The following MALRD1 variants were observed in gnomAD, a reference collection of about 807,000 sequenced individuals.
MALRD1 encodes the protein MAM and LDL-receptor class A domain-containing protein 1.
In MALRD1, 247 loss-of-function variants were observed where a neutral mutation model predicts 242.1. That is an observed-to-expected ratio of 1.02 (90% confidence interval 0.92 to 1.13). The LOEUF is 1.13. Ranked by LOEUF, MALRD1 falls within the 50% of genes most tolerant of loss-of-function variation. MALRD1 has a pLI of 0.00. For synonymous variants in MALRD1, 995 were observed against 866.6 expected, an observed-to-expected ratio of 1.15 and a Z score of -2.60; for missense variants, 2,989 against 2,533.1, an observed-to-expected ratio of 1.18 and a Z score of -3.86.
At chr10:19,558,719 T>G (rs1564439826) in intron 32 of MALRD1, among the ~76,000 whole-genome samples, 2 of 152,150 alleles carry the variant, frequency 1.3e-5, no homozygotes, top group Non-Finnish European at 1.5e-5. Context: ...TTTTGTCTGG[T>G]TTTGTATTAT....
intron 38 of MALRD1, chr10:19,722,476 G>GCTAGTCAGAA: frequency 6.6e-6 from 1 of 151,294 alleles, no homozygotes; most frequent in East Asian, 2.0e-4. Context: ...TGTAGTCCCA[G>GCTAGTCAGAA]CTAGTCAGAA....
chr10:19,398,665 T>C (rs1846693317), intron 28 of MALRD1, among the ~76,000 whole-genome samples: 1 of 152,204 alleles, frequency 6.6e-6, no homozygotes, highest in African/African-American at 2.4e-5. Context: ...TCTTGAAAAT[T>C]AATATTCTAT....
intron 38 of MALRD1, among the ~76,000 whole-genome samples, chr10:19,717,841 AC>A (rs1374454393): frequency 6.6e-6 from 1 of 151,904 alleles, no homozygotes; most frequent in Admixed American, 6.6e-5. Flanking sequence ...ACATGGCAAA[AC>A]CCTGTTTCTA....
At chr10:19,270,271 C>G (rs1215313233) in intron 19 of MALRD1, among the ~76,000 whole-genome samples, 1 of 151,642 alleles carries the variant, frequency 6.6e-6, no homozygotes. Context: ...TTTGAGATCG[C>G]GCCACTGCAC....
intron 28 of MALRD1, among the ~76,000 whole-genome samples, chr10:19,449,854 A>T (rs544926773): frequency 6.6e-6 from 1 of 152,188 alleles, no homozygotes; most frequent in Admixed American, 6.5e-5. Flanking sequence ...TTTTGAGGGG[A>T]GGGGGAAGAA....
intron 36 of MALRD1, among the ~76,000 whole-genome samples, chr10:19,620,858 C>A (rs1323847189): frequency 6.6e-6 from 1 of 151,812 alleles, no homozygotes; most frequent in African/African-American, 2.4e-5. Flanking sequence ...AATGACCTCA[C>A]CATAACCCAA....
intron 1 of MALRD1, among the ~76,000 whole-genome samples, chr10:19,060,101 G>C (rs1834779197): frequency 6.6e-6 from 1 of 152,130 alleles, no homozygotes; most frequent in African/African-American, 2.4e-5. Flanking sequence ...GCCCATCTGG[G>C]TGTCAATCTT....
At chr10:19,377,257 T>C (rs1313744683) in intron 26 of MALRD1, among the ~76,000 whole-genome samples, 1 of 152,154 alleles carries the variant, frequency 6.6e-6, no homozygotes, top group Non-Finnish European at 1.5e-5. Flanking sequence ...TGTTATTTTG[T>C]TGTGTTTTTA....
At chr10:19,642,203 A>G (rs1210160732) in intron 36 of MALRD1, among the ~76,000 whole-genome samples, 1 of 152,190 alleles carries the variant, frequency 6.6e-6, no homozygotes, top group Non-Finnish European at 1.5e-5. Context: ...ACCAGATGAC[A>G]GACTATTCCA....
chr10:19,558,873 T>C (rs1437944240), intron 32 of MALRD1, among the ~76,000 whole-genome samples: 1 of 152,120 alleles, frequency 6.6e-6, no homozygotes, highest in East Asian at 1.9e-4. Context: ...TTATCAAATA[T>C]ATGGTATATA....
At chr10:19,277,219 C>A (rs1840574074) in intron 19 of MALRD1, among the ~76,000 whole-genome samples, 1 of 152,152 alleles carries the variant, frequency 6.6e-6, no homozygotes, top group Non-Finnish European at 1.5e-5. Context: ...AGCCACCACA[C>A]CTGGTGAGAA....
chr10:19,608,602 A>G (rs1198764982), intron 35 of MALRD1, among the ~76,000 whole-genome samples: 2 of 152,138 alleles, frequency 1.3e-5, no homozygotes, highest in Admixed American at 6.6e-5. Flanking sequence ...AATTAATGAT[A>G]GAGATATATT....
At chr10:19,499,656 A>G (rs1224001388) in intron 31 of MALRD1, among the ~76,000 whole-genome samples, 1 of 152,164 alleles carries the variant, frequency 6.6e-6, no homozygotes, top group Non-Finnish European at 1.5e-5. Context: ...TCTGTTTCTC[A>G]GGAGAACCCT....
At chr10:19,218,958 A>T (rs1388775175) in intron 18 of MALRD1, among the ~76,000 whole-genome samples, 1 of 152,118 alleles carries the variant, frequency 6.6e-6, no homozygotes, top group African/African-American at 2.4e-5. Flanking sequence ...TTCTAATAAG[A>T]TTACAAGTTT....
chr10:19,248,576 C>T (rs994817465), intron 18 of MALRD1, among the ~76,000 whole-genome samples: 3 of 151,718 alleles, frequency 2.0e-5, no homozygotes, highest in African/African-American at 4.8e-5. Flanking sequence ...TTAGTGACTA[C>T]GTGATCAGTC....
intron 28 of MALRD1, among the ~76,000 whole-genome samples, chr10:19,436,900 C>T (rs544397168): frequency 6.6e-6 from 1 of 152,146 alleles, no homozygotes; most frequent in Non-Finnish European, 1.5e-5. Context: ...TAAAGAAATC[C>T]CCTGTTGCTC....
chr10:19,333,153 T>C (rs560908286), intron 24 of MALRD1, among the ~76,000 whole-genome samples: 132 of 152,156 alleles, frequency 8.7e-4, no homozygotes, highest in African/African-American at 3.1e-3. Flanking sequence ...AAAAAAAAAA[T>C]TATTTCAACT....
chr10:19,681,085 C>T (rs1464362706), intron 36 of MALRD1, among the ~76,000 whole-genome samples: 1 of 151,848 alleles, frequency 6.6e-6, no homozygotes, highest in Non-Finnish European at 1.5e-5. Context: ...CATTTTTTTC[C>T]TTCATTTTGA....
At chr10:19,157,633 C>G (rs539335887) in intron 12 of MALRD1, among the ~76,000 whole-genome samples, 2 of 152,214 alleles carry the variant, frequency 1.3e-5, no homozygotes, top group African/African-American at 4.8e-5. Flanking sequence ...GCCAATCCTC[C>G]GAATTGGAAC....
Sources: gnomAD v4.1 joint callset for allele counts (sites outside exome capture counted in the v4.1 genomes callset) on GRCh38, gnomAD v4.1.1 for gene constraint, MANE v1.5 for transcripts, NCBI Gene and HGNC (gene_info 2026-07-23, HGNC 2026-07-21) for gene names.